Variants in HIGD1C observed in about 807,000 individuals in gnomAD.
HIGD1C encodes HIG1 domain family member 1C.
Under a neutral mutation model 13.1 loss-of-function variants are expected in HIGD1C, and 11 were observed. That is an observed-to-expected ratio of 0.84 (90% CI 0.53 to 1.39). HIGD1C has a LOEUF of 1.39. Among genes scored for constraint, HIGD1C ranks in the 40% most tolerant of loss-of-function variants. The probability of loss-of-function intolerance (pLI) is 0.00; values close to 1 mark genes in which losing one functional copy is unlikely to be tolerated. For missense variants in HIGD1C, 110 were observed against 112.0 expected, an observed-to-expected ratio of 0.98 and a Z score of 0.08; for synonymous variants, 36 against 37.7, an observed-to-expected ratio of 0.95 and a Z score of 0.17.
chr12:50,949,721 A>G (rs1009863410), upstream of HIGD1C, among the ~76,000 whole-genome samples: 1 of 151,594 alleles, frequency 6.6e-6, no homozygotes, highest in Non-Finnish European at 1.5e-5. Flanking sequence ...TTTAGTAGAG[A>G]CAGGGTTTCA....
upstream of HIGD1C, chr12:50,949,526 CTTTTTTTTTTTTT>C (rs1044816262): frequency 2.9e-5 from 2 of 68,720 alleles, no homozygotes; most frequent in Non-Finnish European, 5.2e-5. Flanking sequence ...TTGAATGCTT[CTTTTTTTTTTTTT>C]TTTTTTTTTT....
chr12:50,965,415 G>A (rs1293259032), intron 2 of HIGD1C, among the ~76,000 whole-genome samples: 2 of 151,642 alleles, frequency 1.3e-5, no homozygotes, highest in South Asian at 2.1e-4. Context: ...CAGCCACCGT[G>A]CCCAGCCACT....
downstream of HIGD1C, among the ~76,000 whole-genome samples, chr12:50,971,103 C>T (rs2136106735): frequency 6.6e-6 from 1 of 152,290 alleles, no homozygotes; most frequent in East Asian, 1.9e-4. Flanking sequence ...TGGTCTCGAA[C>T]TCCTGACCTC....
chr12:50,960,665 T>C (rs1189731489), intron 1 of HIGD1C, among the ~76,000 whole-genome samples: 2 of 151,592 alleles, frequency 1.3e-5, no homozygotes, highest in Non-Finnish European at 2.9e-5. Context: ...AATTCTTGCC[T>C]GCTGTGTATT....
intron 2 of HIGD1C, among the ~76,000 whole-genome samples, chr12:50,963,477 AC>A (rs2139815144): frequency 6.6e-6 from 1 of 152,180 alleles, no homozygotes; most frequent in Non-Finnish European, 1.5e-5. Context: ...ACAGACTGGA[AC>A]CCTTGTGGGT....
chr12:50,944,843 CCCCACTGCACT>C, the HIGD1C span, among the ~76,000 whole-genome samples: 2 of 152,102 alleles, frequency 1.3e-5, no homozygotes, highest in African/African-American at 2.4e-5. Flanking sequence ...GTCGAGATTG[CCCCACTGCACT>C]CCAGCCTGGG....
upstream of HIGD1C, among the ~76,000 whole-genome samples, chr12:50,952,909 TACTAAGACTCAACAGTC>T (rs376783377): frequency 2.1e-4 from 32 of 152,274 alleles, no homozygotes; most frequent in South Asian, 3.5e-3. Flanking sequence ...AGGAGTCAGG[TACTAAGACTCAACAGTC>T]ACAGAGGGAA....
downstream of HIGD1C, among the ~76,000 whole-genome samples, chr12:50,970,956 G>A (rs781595580): frequency 1.3e-5 from 2 of 151,842 alleles, no homozygotes; most frequent in Non-Finnish European, 2.9e-5. Context: ...TCCGCTCACC[G>A]CAACCTCTGC....
chr12:50,948,857 C>T, the HIGD1C span, among the ~76,000 whole-genome samples: 11 of 34,358 alleles, frequency 3.2e-4, no homozygotes, highest in Admixed American at 7.1e-4. Flanking sequence ...GGCGACAGAG[C>T]GAGGAGGAGG....
chr12:50,957,983 T>TGTGTA (rs1939173196), intron 1 of HIGD1C, among the ~76,000 whole-genome samples: 1 of 140,264 alleles, frequency 7.1e-6, no homozygotes, highest in Non-Finnish European at 1.6e-5. Context: ...TGTGTGTGTG[T>TGTGTA]GTAGTAGAGG....
intron 2 of HIGD1C, among the ~76,000 whole-genome samples, chr12:50,967,266 T>C (rs1260723363): frequency 1.3e-5 from 2 of 152,122 alleles, no homozygotes; most frequent in Non-Finnish European, 2.9e-5. Context: ...GCCTGCCTCA[T>C]TCCCACAGAG....
chr12:50,931,237 C>A, the HIGD1C span: 2 of 151,824 alleles, frequency 1.3e-5, no homozygotes, highest in South Asian at 4.1e-4. Context: ...TTAATTTTAT[C>A]TTCTCTTTGA....
At chr12:50,943,147 G>C in the HIGD1C span, among the ~76,000 whole-genome samples, 1 of 151,664 alleles carries the variant, frequency 6.6e-6, no homozygotes. Context: ...TTACAGACAC[G>C]AGCCACCACG....
intron 1 of HIGD1C, among the ~76,000 whole-genome samples, chr12:50,959,509 T>C (rs1360485367): frequency 6.6e-6 from 1 of 152,242 alleles, no homozygotes; most frequent in Non-Finnish European, 1.5e-5. Context: ...ATTTAACTCT[T>C]ACTTATCCAA....
intron 1 of HIGD1C, among the ~76,000 whole-genome samples, chr12:50,957,940 GTGT>G (rs1939168081): frequency 3.1e-5 from 2 of 64,900 alleles, no homozygotes; most frequent in South Asian, 7.0e-4. Flanking sequence ...AATTGGAGGT[GTGT>G]GTGTGTGTGT....
chr12:50,942,539 G>C, the HIGD1C span, among the ~76,000 whole-genome samples: 1 of 152,178 alleles, frequency 6.6e-6, no homozygotes, highest in African/African-American at 2.4e-5. Context: ...GCTTCCCATA[G>C]CTTTCAGGTT....
At chr12:50,946,417 G>A in the HIGD1C span, among the ~76,000 whole-genome samples, 24 of 152,210 alleles carry the variant, frequency 1.6e-4, no homozygotes, top group Admixed American at 5.9e-4. Context: ...ACAAGTGGGC[G>A]AAGGATATGA....
intron 2 of HIGD1C, 58 bp from the exon 5 acceptor site, chr12:50,970,384 G>A: frequency 1.1e-6 from 1 of 872,356 alleles, no homozygotes; most frequent in Non-Finnish European, 1.9e-6. Flanking sequence ...ACAAGTGGAA[G>A]AAATTCAGTG....
chr12:50,962,954 C>T (rs1348119475), intron 2 of HIGD1C, among the ~76,000 whole-genome samples: 1 of 152,104 alleles, frequency 6.6e-6, no homozygotes, highest in Admixed American at 6.6e-5. Context: ...AAAAGCAACA[C>T]TACTAGTAGT....
Sources: gnomAD v4.1 joint callset for allele counts (sites outside exome capture counted in the v4.1 genomes callset) on GRCh38, gnomAD v4.1.1 for gene constraint, MANE v1.5 for transcripts, NCBI Gene and HGNC (gene_info 2026-07-23, HGNC 2026-07-21) for gene names.